Variants in CACNA1A observed in about 807,000 individuals in gnomAD.
CACNA1A encodes calcium voltage-gated channel subunit alpha1 A.
A neutral mutation model predicts 262.4 loss-of-function variants in CACNA1A; 57 were observed. The observed-to-expected ratio is 0.22, with a 90% CI of 0.18 to 0.27. The LOEUF is 0.27. Ranked by LOEUF, CACNA1A falls within the 10% of genes least tolerant of loss-of-function variation. The pLI, the probability that CACNA1A is intolerant of heterozygous loss-of-function variation, is 1.00. For synonymous variants in CACNA1A, 1,431 were observed against 1,419.3 expected, an observed-to-expected ratio of 1.01 and a Z score of -0.18; for missense variants, 2,526 against 3,562.8, an observed-to-expected ratio of 0.71 and a Z score of 7.41.
At position 13,277,121 on chromosome 19, in the gene CACNA1A, C is replaced by T. The variant is rs372344357; in HGVS notation, c.3830G>A (p.Arg1277Gln). 1.2e-6 allele frequency: 2 copies of T among 1,611,430 alleles called. No homozygotes were observed. Among genetic ancestry groups the T allele is most frequent in the Non-Finnish European group, 8.5e-7 (1 of 1,177,838 alleles). The change falls in exon 23 of 47, where the codon CGA becomes CAA. Residue 1277 changes from arginine (R) to glutamine (Q), a missense_variant. By Grantham distance (43) the Arg-to-Gln change is conservative. Coordinates refer to ENST00000360228, the MANE Select transcript of CACNA1A (RefSeq NM_001127222.2). ...GCCTGTAAAAACGTAGTCAAAGTAT[C>T]GCAGCACCTGTAAGGGATAAAAGCA... Reference protein sequence around the residue: ...QPNAPRNNVLRYFDYVFTGVF... With the variant: ...QPNAPRNNVLQYFDYVFTGVF...
At chr19:13,492,680 AGGTATATC>A (rs1981034245) in intron 1 of CACNA1A, among the ~76,000 whole-genome samples, 1 of 152,192 alleles carries the variant, frequency 6.6e-6, no homozygotes, top group Non-Finnish European at 1.5e-5. Context: ...CAAAAAGTTT[AGGTATATC>A]GGGGGGAAAA....
chr19:13,257,929 G>A (rs1203800470), intron 27 of CACNA1A: 3 of 162,394 alleles, frequency 1.8e-5, no homozygotes, highest in South Asian at 1.7e-4. Flanking sequence ...TAGTAGAGAC[G>A]GGGTTTCACC....
chr19:13,499,960 A>T (rs1982175435), intron 1 of CACNA1A, among the ~76,000 whole-genome samples: 1 of 151,886 alleles, frequency 6.6e-6, no homozygotes, highest in South Asian at 2.1e-4. Context: ...CTGGGGGGGA[A>T]ACAGGGAGGG....
At chr19:13,456,508 T>TA (rs371034040) in intron 1 of CACNA1A, among the ~76,000 whole-genome samples, 2,886 of 151,702 alleles carry the variant, frequency 0.019, 88 homozygotes, top group African/African-American at 0.065. Context: ...CTATCTCTAC[T>TA]AAAAAAATAC....
intron 3 of CACNA1A, among the ~76,000 whole-genome samples, chr19:13,391,484 T>C (rs1568600397): frequency 6.6e-6 from 1 of 152,124 alleles, no homozygotes; most frequent in Non-Finnish European, 1.5e-5. Flanking sequence ...CCTCTTAAAG[T>C]ACAGTGTTTT....
chr19:13,347,673 T>C (rs1286751839), intron 6 of CACNA1A, among the ~76,000 whole-genome samples: 1 of 152,200 alleles, frequency 6.6e-6, no homozygotes, highest in African/African-American at 2.4e-5. Flanking sequence ...GTCTGCCCTT[T>C]TTATCCCAAC....
At position 13,207,211 on chromosome 19, in the gene CACNA1A, C is replaced by CGGGCCCTCTGTGCT; in HGVS notation, c.*88_*101dup. On this transcript the variant is annotated 3_prime_UTR_variant, in exon 47 of 47. Transcript: ENST00000360228. This position sits in a 1 kb window ranked among gnomAD's most constrained non-coding sequence, Gnocchi z 5.7. ...TGGGGTCTCCCGGCTGGCCCTCTCC[C>CGGGCCCTCTGTGCT]GGGCCCTCTGTGCTGGGCCCCCGCG... The CGGGCCCTCTGTGCT allele has an allele frequency of 7.9e-7, 1 of 1,270,406 alleles. No homozygotes were observed. The highest frequency in any genetic ancestry group is 1.0e-6 in the Non-Finnish European group (1 of 973,286). The allele number at this position is 1,270,406 out of a possible 1,614,324, so 78.7% of individuals were successfully genotyped here.
At chr19:13,443,678 A>G (rs563254277) in intron 3 of CACNA1A, among the ~76,000 whole-genome samples, 1 of 152,188 alleles carries the variant, frequency 6.6e-6, no homozygotes, top group Non-Finnish European at 1.5e-5. Context: ...TAAGCACCTC[A>G]TAAGTTTCAG....
intron 10 of CACNA1A, among the ~76,000 whole-genome samples, chr19:13,322,202 G>GAAAAAA (rs368879293): frequency 3.3e-5 from 3 of 90,074 alleles, no homozygotes; most frequent in African/African-American, 3.8e-5. Flanking sequence ...ACTTGTCTCA[G>GAAAAAA]AAAAAAAAAA....
chr19:13,468,690 G>A (rs2061297948), intron 1 of CACNA1A, among the ~76,000 whole-genome samples: 1 of 152,184 alleles, frequency 6.6e-6, no homozygotes. Context: ...AGGAGGCTGA[G>A]GCAGGAAAAC....
chr19:13,303,663 G>T (rs1326130510), intron 16 of CACNA1A, 50 bp from the exon 17 acceptor site: 1 of 1,589,314 alleles, frequency 6.3e-7, no homozygotes, highest in Admixed American at 1.7e-5. Flanking sequence ...ACACCACTTG[G>T]GCCCTGGGTA....
chr19:13,229,054 T>G, intron 36 of CACNA1A: 1 of 173,246 alleles, frequency 5.8e-6, no homozygotes, highest in Non-Finnish European at 1.1e-5. Context: ...CTACATGGGC[T>G]ACAGGGGTGG....
In CACNA1A at chr19:13,506,358, GCTCCACGGCC is replaced by G. The variant is rs1472495783; in HGVS notation, c.-144_-135del. The G allele has an allele frequency of 1.4e-5, 11 of 776,388 alleles. No homozygotes were observed. In the Admixed American group the frequency reaches 4.6e-4, roughly 33 times the overall value. The allele number at this position is 776,388 out of a possible 1,614,324, so 48.1% of individuals were successfully genotyped here. A position where few individuals can be genotyped will look rare whatever the true frequency, so the allele number is the denominator to read the frequency against. On this transcript the variant is annotated 5_prime_UTR_variant, in exon 1 of 47. It introduces an in-frame stop codon into an upstream open reading frame of the 5' UTR. Transcript: ENST00000360228. ...CGGCTGGAGCTACGACTGCGGAGAC[GCTCCACGGCC>G]CAGCCCATCGGGCGGCGGCGGCTCG...
chr19:13,360,259 GTGTGTGTATATA>G (rs908861881), intron 5 of CACNA1A, among the ~76,000 whole-genome samples: 15 of 77,834 alleles, frequency 1.9e-4, no homozygotes, highest in African/African-American at 7.9e-4. Flanking sequence ...CTGTGTGTGT[GTGTGTGTATATA>G]TATATATATA....
chr19:13,286,640 G>T lies in CACNA1A; in HGVS notation c.3416C>A (p.Thr1139Asn). 1 of 1,544,234 alleles carries T rather than the reference G, an allele frequency of 6.5e-7. No homozygotes were observed. The change falls in exon 20 of 47, where the codon ACC (threonine) becomes AAC (asparagine). Residue 1139 changes from threonine (T) to asparagine (N), a missense_variant. Around this residue, in one of 17 missense-constraint regions of CACNA1A, gnomAD observed 765 missense variants for 748.6 expected, o/e 1.02. Transcript: ENST00000360228. Reference sequence around the variant, plus strand: ...GGTGACGATAAGGCTATTCTCGGGGGTCTTGGGGGGGCCGGGATTGGATGG... The same window carrying T: ...GGTGACGATAAGGCTATTCTCGGGGTTCTTGGGGGGGCCGGGATTGGATGG... ...GNPSNPGPPKTPENSLIVTNP... is the reference protein window; with the variant it reads ...GNPSNPGPPKNPENSLIVTNP...
intron 6 of CACNA1A, among the ~76,000 whole-genome samples, chr19:13,349,007 C>CAAAAAA (rs60884577): frequency 0.014 from 834 of 59,602 alleles, 56 homozygotes; most frequent in African/African-American, 0.05. Flanking sequence ...GACGCTGTCT[C>CAAAAAA]AAAAAAAAAA....
At chr19:13,496,529 T>C (rs1981558187) in intron 1 of CACNA1A, among the ~76,000 whole-genome samples, 1 of 152,190 alleles carries the variant, frequency 6.6e-6, no homozygotes, top group African/African-American at 2.4e-5. Flanking sequence ...TACTTGGGCC[T>C]AGGAATCATG....
intron 12 of CACNA1A, among the ~76,000 whole-genome samples, chr19:13,312,099 G>A (rs1033573456): frequency 4.6e-5 from 7 of 152,130 alleles, no homozygotes; most frequent in African/African-American, 1.2e-4. Context: ...GCCCTGGTTC[G>A]ATGAGAAGGA....
intron 1 of CACNA1A, among the ~76,000 whole-genome samples, chr19:13,466,566 C>T (rs953438302): frequency 6.6e-6 from 1 of 152,108 alleles, no homozygotes; most frequent in African/African-American, 2.4e-5. Context: ...GTCTCGAACT[C>T]CTGACCTCAA....
Sources: allele counts gnomAD v4.1 joint callset (sites outside exome capture counted in the v4.1 genomes callset), GRCh38; gene constraint gnomAD v4.1.1; regional missense constraint gnomAD v4.1.1; non-coding constraint Gnocchi (gnomAD v3.1); transcripts MANE v1.5; gene names NCBI Gene and HGNC (gene_info 2026-07-23, HGNC 2026-07-21).